AFF2: variants seen among roughly 807,000 people sequenced by gnomAD.
AFF2 encodes ALF transcription elongation factor 2, also known as AF4/FMR2 family member 2.
In AFF2, 14 loss-of-function variants were observed where a neutral mutation model predicts 76.9. The ratio of observed to expected loss-of-function variants is 0.18; its 90% CI spans 0.12 to 0.28. The LOEUF (loss-of-function observed/expected upper bound fraction) is 0.28. Among genes scored for constraint, AFF2 ranks in the 10% least tolerant of loss-of-function variants. The probability of loss-of-function intolerance (pLI) is 1.00; values close to 1 mark genes in which losing one functional copy is unlikely to be tolerated. For missense variants in AFF2, 868 were observed against 1,001.1 expected, an observed-to-expected ratio of 0.87 and a Z score of 1.79; for synonymous variants, 398 against 366.7, an observed-to-expected ratio of 1.09 and a Z score of -0.98.
At chrX:148,648,258 A>C (rs1484531331) in intron 1 of AFF2, among the ~76,000 whole-genome samples, 2 of 111,137 alleles carry the variant, frequency 1.8e-5, no homozygotes, top group Non-Finnish European at 3.8e-5. Context: ...GGGTGAAATC[A>C]CAGCTAATAT....
At chrX:148,740,027 T>G (rs2055331620) in intron 3 of AFF2, among the ~76,000 whole-genome samples, 1 of 112,103 alleles carries the variant, frequency 8.9e-6, no homozygotes, top group Admixed American at 9.5e-5. Flanking sequence ...ACTGTTAATC[T>G]GATAGATTTG....
chrX:148,625,735 C>T (rs1442859478), intron 1 of AFF2, among the ~76,000 whole-genome samples: 1 of 111,676 alleles, frequency 9.0e-6, no homozygotes, highest in Non-Finnish European at 1.9e-5. Context: ...GCCATTCTAA[C>T]TTAGAAGGGA....
chrX:148,833,485 C>A (rs1410614657), intron 4 of AFF2, among the ~76,000 whole-genome samples: 1 of 109,949 alleles, frequency 9.1e-6, no homozygotes, highest in Non-Finnish European at 1.9e-5. Flanking sequence ...ACCTGTAGTC[C>A]CAGCTACTTG....
intron 3 of AFF2, among the ~76,000 whole-genome samples, chrX:148,736,730 G>T (rs372317141): frequency 1.2e-4 from 13 of 111,932 alleles, no homozygotes; most frequent in Middle Eastern, 4.6e-3. Flanking sequence ...TTATCTTCTA[G>T]AATTTTTATA....
In AFF2 at chrX:148,868,144, C is replaced by T. The variant is rs535290912; in HGVS notation, c.1263-17745C>T. 3.7e-4 allele frequency among the ~76,000 whole-genome samples: 41 copies of T among 111,611 alleles called. No homozygotes were observed. In the South Asian group the frequency reaches 0.016, roughly 42 times the overall value. On this transcript the variant is annotated intron_variant, in intron 7 of 20. Transcript: ENST00000370460. ...CTCCTCACCATGGATGCCTGGTATCCCTTCCTCATCAGCATTCTCTGATGC... is the reference window on the plus strand; with the variant it reads ...CTCCTCACCATGGATGCCTGGTATCTCTTCCTCATCAGCATTCTCTGATGC...
At chrX:148,670,163 A>G (rs1275332345) in intron 3 of AFF2, among the ~76,000 whole-genome samples, 1 of 112,059 alleles carries the variant, frequency 8.9e-6, no homozygotes, top group Non-Finnish European at 1.9e-5. Context: ...TACAAATAGA[A>G]TACCTGGCTT....
At position 148,934,837 on chromosome X, in the gene AFF2, T is replaced by C. The variant is rs1362797173; in HGVS notation, c.1398-18743T>C. Among the ~76,000 whole-genome samples, 3 of 111,954 alleles carry C rather than the reference T, an allele frequency of 2.7e-5. No individual in the cohort carries two copies. The East Asian group carries it at 8.4e-4, about 31-fold the overall frequency. Reference sequence around the variant, plus strand: ...ATCACCATCATCATCATCATCATTGTTATTAACTGAAGAATCATAGATAAA... The same window carrying C: ...ATCACCATCATCATCATCATCATTGCTATTAACTGAAGAATCATAGATAAA... On this transcript the variant is annotated intron_variant, in intron 9 of 20. Transcript: ENST00000370460.
At chrX:148,708,669 G>A (rs1323066474) in intron 3 of AFF2, among the ~76,000 whole-genome samples, 3 of 111,881 alleles carry the variant, frequency 2.7e-5, no homozygotes, top group East Asian at 5.7e-4. Flanking sequence ...AGCCAAGATC[G>A]CGCCACCGCA....
Position 148,999,555 on chromosome X carries a change from AC to A in AFF2, c.*8224del, listed in dbSNP as rs1288846074. 1 of 111,035 alleles carries A rather than the reference AC, an allele frequency of 9.0e-6. No homozygotes were observed. The highest frequency in any genetic ancestry group is 1.9e-5 in the Non-Finnish European group (1 of 53,053). 9.2% of individuals were successfully genotyped at this position (111,035 alleles called of 1,213,427 possible). Reference sequence around the variant, plus strand: ...CGCTGGACCATTGTGGCAAGCCATAACTGCACAAAGAGTACACATCGTCAGT... The same window carrying A: ...CGCTGGACCATTGTGGCAAGCCATAATGCACAAAGAGTACACATCGTCAGT... On this transcript the variant is annotated 3_prime_UTR_variant, in exon 21 of 21. Transcript: ENST00000370460.
intron 2 of AFF2, among the ~76,000 whole-genome samples, chrX:148,655,131 A>G (rs1177974782): frequency 3.6e-5 from 4 of 111,111 alleles, no homozygotes; most frequent in African/African-American, 1.3e-4. Context: ...TGTTATCAAC[A>G]TTTTCAGAAG....
chrX:148,570,582 G>T (rs1341272537), intron 1 of AFF2, among the ~76,000 whole-genome samples: 1 of 111,777 alleles, frequency 8.9e-6, no homozygotes, highest in Non-Finnish European at 1.9e-5. Context: ...GACACAGGAC[G>T]TTCTCCCTTT....
chrX:148,876,682 G>A (rs1305038487), intron 7 of AFF2, among the ~76,000 whole-genome samples: 2 of 111,592 alleles, frequency 1.8e-5, no homozygotes, highest in African/African-American at 6.5e-5. Context: ...CTTGTAAGGA[G>A]TAGTTATCAA....
intron 1 of AFF2, among the ~76,000 whole-genome samples, chrX:148,648,422 C>T (rs1015579835): frequency 1.0e-4 from 11 of 108,454 alleles, no homozygotes; most frequent in African/African-American, 2.7e-4. Flanking sequence ...ATTAGCCAGG[C>T]GTGGTGGCTG....
At chrX:148,690,789 G>C (rs1557260704) in intron 3 of AFF2, among the ~76,000 whole-genome samples, 2 of 111,974 alleles carry the variant, frequency 1.8e-5, no homozygotes, top group Non-Finnish European at 3.8e-5. Flanking sequence ...CCACAGACTT[G>C]GTGGCTTAAA....
At chrX:148,668,401 C>A (rs2054382372) in intron 3 of AFF2, among the ~76,000 whole-genome samples, 2 of 112,809 alleles carry the variant, frequency 1.8e-5, no homozygotes, top group African/African-American at 6.4e-5. Flanking sequence ...GGTGCCCCAA[C>A]AGGGACTCTG....
intron 12 of AFF2, among the ~76,000 whole-genome samples, chrX:148,962,490 C>A (rs1303475640): frequency 1.8e-5 from 2 of 111,815 alleles, no homozygotes; most frequent in Admixed American, 9.6e-5. Flanking sequence ...TGAGTTTATT[C>A]TTGGATACAT....
rs192746005 is a variant in AFF2 at position 148,549,264 on chromosome X, C to G, written c.47+48120C>G. On this transcript the variant is annotated intron_variant, in intron 1 of 20. Transcript: ENST00000370460. ...GAAATGCATTTAATTGGGTAGAAAG[C>G]AAATTCTGAACACATATTTGTAGAG... Among the ~76,000 whole-genome samples, 228 of 112,225 alleles carry G rather than the reference C, an allele frequency of 2.0e-3. 1 individual carries two copies. Among genetic ancestry groups the G allele is most frequent in the African/African-American group, 7.1e-3 (220 of 30,887 alleles).
intron 3 of AFF2, among the ~76,000 whole-genome samples, chrX:148,723,541 G>A (rs888602738): frequency 6.3e-5 from 7 of 111,868 alleles, no homozygotes; most frequent in African/African-American, 2.3e-4. Context: ...CAATCACCTT[G>A]TAAACATCTT....
At chrX:148,751,067 A>G (rs1448385646) in intron 3 of AFF2, among the ~76,000 whole-genome samples, 7 of 112,291 alleles carry the variant, frequency 6.2e-5, no homozygotes, top group Non-Finnish European at 1.3e-4. Context: ...ATTTATACTT[A>G]TTTCCAAATT....
Sources: gnomAD v4.1 joint callset for allele counts (sites outside exome capture counted in the v4.1 genomes callset) on GRCh38, gnomAD v4.1.1 for gene constraint, MANE v1.5 for transcripts, NCBI Gene and HGNC (gene_info 2026-07-23, HGNC 2026-07-21) for gene names.